The following MDGA1 variants were observed in gnomAD, a reference collection of about 807,000 sequenced individuals.
The protein encoded by MDGA1 is MAM domain containing glycosylphosphatidylinositol anchor 1.
Under a neutral mutation model 101.5 loss-of-function variants are expected in MDGA1, and 54 were observed. That is an observed-to-expected ratio of 0.53 (90% confidence interval 0.43 to 0.67). The LOEUF is 0.67. Among genes scored for constraint, MDGA1 ranks in the 30% least tolerant of loss-of-function variants. MDGA1 has a pLI of 0.00. For synonymous variants in MDGA1, 533 were observed against 558.3 expected (o/e 0.95, Z 0.64); for missense variants, 1,083 against 1,323.8 (o/e 0.82, Z 2.82).
intron 1 of MDGA1, among the ~76,000 whole-genome samples, chr6:37,672,528 G>C (rs1761893430): frequency 6.6e-6 from 1 of 152,164 alleles, no homozygotes; most frequent in African/African-American, 2.4e-5. Flanking sequence ...CTGCAGGCTG[G>C]GAAATGACCA....
chr6:37,686,904 G>A (rs867235690), intron 1 of MDGA1, among the ~76,000 whole-genome samples: 2 of 152,192 alleles, frequency 1.3e-5, no homozygotes, highest in Admixed American at 6.5e-5. Flanking sequence ...CTAGCAAACA[G>A]GCCTGGGGGG....
In MDGA1 at chr6:37,655,912, C is replaced by T. The variant is rs555851368; in HGVS notation, c.383-16G>A. 6 of 1,604,992 alleles carry T rather than the reference C, an allele frequency of 3.7e-6. No homozygotes were observed. The South Asian group carries it at 5.6e-5, about 15-fold the overall frequency. On this transcript the variant is annotated splice_polypyrimidine_tract_variant and intron_variant, in intron 3 of 16. Coordinates refer to ENST00000434837, the MANE Select transcript of MDGA1 (RefSeq NM_153487.4). The surrounding 1 kb of genome is among the most constrained non-coding windows in gnomAD (Gnocchi z 5.1). ...TCATCCAGGTCTGCAAGGGCACAGC[C>T]CCCATGGAGTCAGGACTGGGTGACC...
At chr6:37,645,392 G>C (rs1237606399) in intron 12 of MDGA1, among the ~76,000 whole-genome samples, 2 of 152,126 alleles carry the variant, frequency 1.3e-5, no homozygotes, top group South Asian at 4.1e-4. Context: ...AAATCAGCCA[G>C]GTGCGGTGGC....
At chr6:37,692,358 C>G (rs1762327465) in intron 1 of MDGA1, among the ~76,000 whole-genome samples, 1 of 152,026 alleles carries the variant, frequency 6.6e-6, no homozygotes, top group South Asian at 2.1e-4. Context: ...CTCCTAGGTC[C>G]TCTGTCTTCA....
intron 1 of MDGA1, among the ~76,000 whole-genome samples, chr6:37,669,403 T>C (rs1016911948): frequency 1.3e-5 from 2 of 152,204 alleles, no homozygotes; most frequent in Non-Finnish European, 2.9e-5. Flanking sequence ...ACTCCCTTTA[T>C]TCTCACTGTT....
chr6:37,678,684 C>T (rs1014644990), intron 1 of MDGA1, among the ~76,000 whole-genome samples: 3 of 151,512 alleles, frequency 2.0e-5, no homozygotes, highest in African/African-American at 7.3e-5. Context: ...ACAGCCCCAC[C>T]CCCTCCCCAC....
At chr6:37,644,002 T>C in intron 13 of MDGA1, 59 bp from the exon 14 acceptor site, 3 of 1,595,402 alleles carry the variant, frequency 1.9e-6, no homozygotes, top group Non-Finnish European at 2.6e-6. Context: ...TCTTCCTACC[T>C]GATTCCCTCT....
rs1341110538 is a variant in MDGA1, at chr6:37,654,424, C to T, written c.832G>A (p.Gly278Arg). Residue 278 changes from glycine (G) to arginine (R), a missense_variant, in exon 6 of 17, where the codon GGG becomes AGG. By Grantham distance (125) the Gly-to-Arg change is moderately radical (BLOSUM62 -2). Transcript: ENST00000434837. ...GCACCCAGGGGCAGTGGGCCAGGCC[C>T]ATGGGACCACTGCAGCTGGGGGAGG... ...DPLPQLQWSH[G>R]PGPLPLGALA... 6.2e-7 allele frequency: 1 copy of T among 1,613,896 alleles called. No individual in the cohort carries two copies. Among genetic ancestry groups the T allele is most frequent in the African/African-American group, 1.3e-5 (1 of 74,944 alleles).
chr6:37,695,823 C>T (rs1762405111), intron 1 of MDGA1, among the ~76,000 whole-genome samples: 1 of 152,278 alleles, frequency 6.6e-6, no homozygotes, highest in South Asian at 2.1e-4. Flanking sequence ...AAAGTAAGGG[C>T]CACTGGGCCC....
chr6:37,636,169 C>CA lies in MDGA1; in HGVS notation c.*1198dup, dbSNP rs1763926447. On this transcript the variant is annotated 3_prime_UTR_variant, in exon 17 of 17. Transcript: ENST00000434837. ...AGGAAAGATCTAGATCCCATCATGT[C>CA]AATCTCAGGTGCCTAACCCAGGACC... 1.3e-5 allele frequency: 2 copies of CA among 155,244 alleles called. No homozygotes were observed. Among genetic ancestry groups the CA allele is most frequent in the South Asian group, 4.1e-4 (2 of 4,852 alleles). The allele number at this position is 155,244 out of a possible 1,614,324, so 9.6% of individuals were successfully genotyped here. A position where few individuals can be genotyped will look rare whatever the true frequency, so the allele number is the denominator to read the frequency against.
In MDGA1 at chr6:37,647,729, TAG is replaced by T. The variant is rs1158940845; in HGVS notation, c.1895-407_1895-406del. 9.0e-5 allele frequency among the ~76,000 whole-genome samples: 12 copies of T among 132,706 alleles called. No individual in the cohort carries two copies. In the East Asian group the frequency reaches 2.1e-3, roughly 23 times the overall value. 87.1% of individuals were successfully genotyped at this position (132,706 alleles called of 152,430 possible). On this transcript the variant is annotated intron_variant, in intron 9 of 16. Transcript: ENST00000434837. ...AGAAAGAGAAGGGAGAGGAGGGGAA[TAG>T]AGAGAGGAGTGGGGAGACAGGGAAA...
chr6:37,650,074 C>G (rs1761320155), intron 8 of MDGA1, 35 bp downstream of exon 8: 1 of 1,610,786 alleles, frequency 6.2e-7, no homozygotes, highest in Non-Finnish European at 8.5e-7. Flanking sequence ...AGAAGGAAAG[C>G]TGGGAAGGTA....
At chr6:37,668,397 C>T (rs1021190045) in intron 1 of MDGA1, among the ~76,000 whole-genome samples, 3 of 152,212 alleles carry the variant, frequency 2.0e-5, no homozygotes, top group African/African-American at 7.2e-5. Flanking sequence ...AGCAATTTCA[C>T]TCCTGGGTAT....
rs574729254 is a variant in MDGA1, at chr6:37,632,215, T to A, written c.*5153A>T. On this transcript the variant is annotated 3_prime_UTR_variant, in exon 17 of 17. Transcript: ENST00000434837. ...ACCAATTTCCCTTCCCAGCCCTCAC[T>A]GTACACATCATTATATATGTCTTGG... 6.6e-6 allele frequency: 1 copy of A among 152,344 alleles called. No homozygotes were observed. The highest frequency in any genetic ancestry group is 2.4e-5 in the African/African-American group (1 of 41,564). 9.4% of individuals were successfully genotyped at this position (152,344 alleles called of 1,614,324 possible).
At chr6:37,656,298 G>A (rs1386947893) in intron 3 of MDGA1, among the ~76,000 whole-genome samples, 7 of 151,314 alleles carry the variant, frequency 4.6e-5, no homozygotes, top group African/African-American at 1.5e-4. Flanking sequence ...GGATGGTCTC[G>A]ATCTCCTGAC....
rs1411364877 is a variant in MDGA1 at position 37,637,503 on chromosome 6, G to A, written c.2777-44C>T. The stretch of plus-strand genomic sequence containing the variant: ...AGGAGACAGGCCAGGGCTCTGGTCA[G>A]CTCTGGCAGGGGCAGGAAGTGGCAG... On this transcript the variant is annotated intron_variant, in intron 16 of 16. Transcript: ENST00000434837. The A allele has an allele frequency of 1.9e-6, 3 of 1,555,878 alleles. No individual in the cohort carries two copies. The African/African-American group carries it at 4.1e-5, about 21-fold the overall frequency.
intron 1 of MDGA1, among the ~76,000 whole-genome samples, chr6:37,670,926 T>G (rs558042300): frequency 1.3e-5 from 2 of 152,214 alleles, no homozygotes; most frequent in Non-Finnish European, 1.5e-5. Context: ...ACCTGCTAAC[T>G]TGGGACTCTG....
intron 8 of MDGA1, 96 bp downstream of exon 8, chr6:37,650,013 T>C: frequency 1.3e-6 from 2 of 1,484,218 alleles, no homozygotes; most frequent in Non-Finnish European, 1.9e-6. Context: ...TGGGGTTTGG[T>C]TGGACTGGGG....
intron 14 of MDGA1, 50 bp downstream of exon 14, chr6:37,643,759 C>T (rs771762072): frequency 2.5e-6 from 4 of 1,607,114 alleles, no homozygotes; most frequent in Non-Finnish European, 3.4e-6. Context: ...CCACTCCCCT[C>T]CCATCCTCCA....
Sources: allele counts gnomAD v4.1 joint callset (sites outside exome capture counted in the v4.1 genomes callset), GRCh38; gene constraint gnomAD v4.1.1; non-coding constraint Gnocchi (gnomAD v3.1); transcripts MANE v1.5; gene names NCBI Gene and HGNC (gene_info 2026-07-23, HGNC 2026-07-21).